Variants in PTPRD observed in about 807,000 individuals in gnomAD.
PTPRD encodes receptor-type tyrosine-protein phosphatase delta.
A neutral mutation model predicts 214.5 loss-of-function variants in PTPRD; 34 were observed. The ratio of observed to expected loss-of-function variants is 0.16; its 90% CI spans 0.12 to 0.21. The LOEUF is 0.21. Among genes scored for constraint, PTPRD ranks in the 10% least tolerant of loss-of-function variants. The pLI is 1.00. For synonymous variants in PTPRD, 1,128 were observed against 845.7 expected, an observed-to-expected ratio of 1.33 and a Z score of -5.79; for missense variants, 2,545 against 2,398.7, an observed-to-expected ratio of 1.06 and a Z score of -1.27.
At chr9:10,201,403 C>A (rs1403814242) in intron 3 of PTPRD, among the ~76,000 whole-genome samples, 4 of 151,986 alleles carry the variant, frequency 2.6e-5, no homozygotes, top group African/African-American at 9.7e-5. Context: ...AGTCCTTCAA[C>A]ATTGGCAAAT....
intron 5 of PTPRD, among the ~76,000 whole-genome samples, chr9:9,839,303 C>T (rs1298037927): frequency 6.6e-6 from 1 of 151,888 alleles, no homozygotes; most frequent in East Asian, 1.9e-4. Flanking sequence ...CTAGAAAACC[C>T]CATTGTCTCA....
At chr9:9,063,004 C>G (rs898292407) in intron 10 of PTPRD, among the ~76,000 whole-genome samples, 2 of 152,138 alleles carry the variant, frequency 1.3e-5, no homozygotes, top group African/African-American at 4.8e-5. Flanking sequence ...AGGGGCTAAA[C>G]ATGGTCATTC....
rs117049895 is a variant in PTPRD at position 8,620,774 on chromosome 9, A to G, written c.352+12543T>C. Among the ~76,000 whole-genome samples, 792 of 152,116 alleles carry G rather than the reference A, an allele frequency of 5.2e-3. 10 individuals carry two copies. The highest frequency in any genetic ancestry group is 0.019 in the East Asian group (95 of 5,132). ...TAAATTTAGAAACAGAATTATAAACATTGGGCAAAGTCCTTTCAAGTCTAT... is the reference window on the plus strand; with the variant it reads ...TAAATTTAGAAACAGAATTATAAACGTTGGGCAAAGTCCTTTCAAGTCTAT... On this transcript the variant is annotated intron_variant, in intron 14 of 45. Transcript: ENST00000381196.
chr9:8,975,665 A>T (rs183009655), intron 11 of PTPRD, among the ~76,000 whole-genome samples: 1 of 151,920 alleles, frequency 6.6e-6, no homozygotes, highest in Non-Finnish European at 1.5e-5. Flanking sequence ...GTATTTATTC[A>T]GTGTAATAAA....
chr9:9,857,266 G>A (rs2061732788), intron 5 of PTPRD, among the ~76,000 whole-genome samples: 1 of 152,138 alleles, frequency 6.6e-6, no homozygotes, highest in African/African-American at 2.4e-5. Context: ...GCTTTCTCAA[G>A]TTCTCAAAAT....
At chr9:9,418,292 G>A (rs2077581743) in intron 8 of PTPRD, among the ~76,000 whole-genome samples, 1 of 151,954 alleles carries the variant, frequency 6.6e-6, no homozygotes, top group Admixed American at 6.6e-5. Flanking sequence ...GCATCCTGAT[G>A]GTTATTCATA....
intron 9 of PTPRD, among the ~76,000 whole-genome samples, chr9:9,372,310 A>G (rs1028198560): frequency 4.6e-5 from 7 of 152,168 alleles, no homozygotes; most frequent in African/African-American, 1.7e-4. Flanking sequence ...TATTGGGTGC[A>G]TATATATTTA....
intron 3 of PTPRD, among the ~76,000 whole-genome samples, chr9:10,321,782 G>C (rs1029017120): frequency 6.6e-6 from 1 of 152,038 alleles, no homozygotes; most frequent in Non-Finnish European, 1.5e-5. Context: ...CAGCTGATTA[G>C]AATGGCTGAC....
chr9:9,453,158 G>A (rs1409662972), intron 8 of PTPRD, among the ~76,000 whole-genome samples: 1 of 151,186 alleles, frequency 6.6e-6, no homozygotes, highest in African/African-American at 2.4e-5. Context: ...CCCACACAAT[G>A]CATTGCCTGC....
intron 14 of PTPRD, among the ~76,000 whole-genome samples, chr9:8,546,949 T>C (rs941069794): frequency 3.9e-5 from 6 of 152,212 alleles, no homozygotes; most frequent in African/African-American, 1.2e-4. Flanking sequence ...CAGAAGTCCA[T>C]GGCATGGACC....
intron 3 of PTPRD, among the ~76,000 whole-genome samples, chr9:10,091,815 T>C (rs1003619999): frequency 9.2e-5 from 14 of 151,408 alleles, no homozygotes; most frequent in African/African-American, 3.1e-4. Flanking sequence ...ATCCAGTTTA[T>C]TAAAAAATAG....
At chr9:9,230,409 G>T (rs1422078623) in intron 9 of PTPRD, among the ~76,000 whole-genome samples, 1 of 152,206 alleles carries the variant, frequency 6.6e-6, no homozygotes, top group African/African-American at 2.4e-5. Context: ...CTGTTCCTGA[G>T]TAAATATAAG....
chr9:9,239,720 AG>A (rs1218468632), intron 9 of PTPRD, among the ~76,000 whole-genome samples: 50 of 152,282 alleles, frequency 3.3e-4, no homozygotes, highest in African/African-American at 1.2e-3. Context: ...CTGGGCTGCT[AG>A]CCAAAGTGCA....
chr9:9,593,802 T>C (rs1410508655), intron 7 of PTPRD, among the ~76,000 whole-genome samples: 3 of 152,058 alleles, frequency 2.0e-5, no homozygotes, highest in African/African-American at 7.2e-5. Flanking sequence ...CATTCACTTG[T>C]AATCTGAAGA....
chr9:9,022,386 G>A (rs2099572955), intron 10 of PTPRD, among the ~76,000 whole-genome samples: 2 of 151,992 alleles, frequency 1.3e-5, no homozygotes, highest in Non-Finnish European at 1.5e-5. Context: ...CTATGCAGGT[G>A]TACTATTTTT....
Position 9,946,741 on chromosome 9 carries a change from A to T in PTPRD, c.-471-8131T>A, listed in dbSNP as rs539529500. ...GAGACCCTCTAATGTAGTAACAGACATCTAAGCTCTAAAAGCACAAATGTT... is the reference window on the plus strand; with the variant it reads ...GAGACCCTCTAATGTAGTAACAGACTTCTAAGCTCTAAAAGCACAAATGTT... On this transcript the variant is annotated intron_variant, in intron 4 of 45. Transcript: ENST00000381196. Among the ~76,000 whole-genome samples the T allele has an allele frequency of 2.0e-5, 3 of 152,242 alleles. No individual in the cohort carries two copies. In the East Asian group the frequency reaches 5.8e-4, roughly 30 times the overall value.
At chr9:9,174,177 A>G (rs906329326) in intron 10 of PTPRD, among the ~76,000 whole-genome samples, 2 of 152,206 alleles carry the variant, frequency 1.3e-5, no homozygotes, top group Non-Finnish European at 2.9e-5. Flanking sequence ...AAATCGTTAT[A>G]TAGAATACTT....
intron 44 of PTPRD, among the ~76,000 whole-genome samples, chr9:8,324,580 T>C (rs761535577): frequency 5.9e-5 from 9 of 152,182 alleles, no homozygotes; most frequent in Non-Finnish European, 1.3e-4. Context: ...TGTGTCTTTG[T>C]AGTAGAATGA....
At chr9:10,137,984 A>T (rs2098954737) in intron 3 of PTPRD, among the ~76,000 whole-genome samples, 1 of 152,130 alleles carries the variant, frequency 6.6e-6, no homozygotes. Context: ...TAGAGGAATT[A>T]GAAAATCAAG....
Sources: allele counts gnomAD v4.1 joint callset (sites outside exome capture counted in the v4.1 genomes callset), GRCh38; gene constraint gnomAD v4.1.1; transcripts MANE v1.5; gene names NCBI Gene and HGNC (gene_info 2026-07-23, HGNC 2026-07-21).